Variants in CDKL2 observed in about 807,000 individuals in gnomAD.
CDKL2 encodes the protein cyclin-dependent kinase-like 2.
A neutral mutation model predicts 63.9 loss-of-function variants in CDKL2; 64 were observed. The ratio of observed to expected loss-of-function variants is 1.00; its 90% CI spans 0.82 to 1.23. The LOEUF (loss-of-function observed/expected upper bound fraction) is 1.23, where lower values mean the gene tolerates loss of function less well. Among genes scored for constraint, CDKL2 ranks in the 50% most tolerant of loss-of-function variants. The pLI is 0.00. For missense variants in CDKL2, 656 were observed against 668.0 expected (o/e 0.98, Z 0.20); for synonymous variants, 211 against 229.2 (o/e 0.92, Z 0.72).
intron 8 of CDKL2, among the ~76,000 whole-genome samples, chr4:75,597,786 T>G (rs1729007887): frequency 6.6e-6 from 1 of 152,238 alleles, no homozygotes; most frequent in East Asian, 1.9e-4. Flanking sequence ...GAGGGTTGTT[T>G]GTTCCATGTG....
intron 7 of CDKL2, among the ~76,000 whole-genome samples, chr4:75,599,548 CAA>C (rs71657365): frequency 2.9e-5 from 2 of 69,656 alleles, no homozygotes; most frequent in Non-Finnish European, 5.1e-5. Context: ...GCAACAAGAG[CAA>C]AAAAAAAAAA....
chr4:75,624,735 G>A (rs1264900632), intron 2 of CDKL2, among the ~76,000 whole-genome samples: 1 of 151,826 alleles, frequency 6.6e-6, no homozygotes, highest in East Asian at 1.9e-4. Flanking sequence ...ATGCACACCT[G>A]TAGTCCCAGC....
chr4:75,608,996 GAA>G (rs5859470), intron 3 of CDKL2, among the ~76,000 whole-genome samples: 53 of 120,846 alleles, frequency 4.4e-4, no homozygotes, highest in Middle Eastern at 3.9e-3. Flanking sequence ...TCCATCTCAA[GAA>G]AAAAAAAAAA....
chr4:75,625,126 C>G (rs1160161838), intron 2 of CDKL2, among the ~76,000 whole-genome samples: 3 of 151,952 alleles, frequency 2.0e-5, no homozygotes, highest in Middle Eastern at 3.2e-3. Flanking sequence ...TTGAACAACA[C>G]AATTAACATG....
intron 3 of CDKL2, among the ~76,000 whole-genome samples, chr4:75,612,370 T>G (rs1228708007): frequency 6.6e-6 from 1 of 152,178 alleles, no homozygotes; most frequent in Non-Finnish European, 1.5e-5. Context: ...TAGAATGTGT[T>G]ATATTAAACA....
chr4:75,617,540 C>T (rs1352818091), intron 2 of CDKL2, among the ~76,000 whole-genome samples: 1 of 152,224 alleles, frequency 6.6e-6, no homozygotes, highest in East Asian at 1.9e-4. Context: ...AACAAAAATG[C>T]CCCAAAACCC....
At chr4:75,618,966 T>A (rs1730046424) in intron 2 of CDKL2, among the ~76,000 whole-genome samples, 1 of 152,204 alleles carries the variant, frequency 6.6e-6, no homozygotes, top group African/African-American at 2.4e-5. Flanking sequence ...TCCATGTACC[T>A]GTCAGAAGCA....
chr4:75,618,966 T>C (rs1730046424), intron 2 of CDKL2, among the ~76,000 whole-genome samples: 1 of 152,204 alleles, frequency 6.6e-6, no homozygotes, highest in African/African-American at 2.4e-5. Flanking sequence ...TCCATGTACC[T>C]GTCAGAAGCA....
intron 1 of CDKL2, among the ~76,000 whole-genome samples, chr4:75,627,096 G>A (rs1236963547): frequency 6.6e-6 from 1 of 151,364 alleles, no homozygotes; most frequent in South Asian, 2.1e-4. Flanking sequence ...CCAGCTACTC[G>A]GGAGGCTAAG....
At chr4:75,612,199 C>T (rs1578343604) in intron 3 of CDKL2, among the ~76,000 whole-genome samples, 1 of 152,288 alleles carries the variant, frequency 6.6e-6, no homozygotes, top group Non-Finnish European at 1.5e-5. Flanking sequence ...CTTCGAACTC[C>T]TGACCTCAAG....
intron 5 of CDKL2, among the ~76,000 whole-genome samples, chr4:75,604,375 T>A (rs927565040): frequency 6.6e-6 from 1 of 152,248 alleles, no homozygotes; most frequent in African/African-American, 2.4e-5. Context: ...TTTCTCAACT[T>A]TAATATCTAG....
At chr4:75,592,033 T>A (rs1046407306) in intron 11 of CDKL2, 108 bp from the exon 12 acceptor site, 31 of 1,291,894 alleles carry the variant, frequency 2.4e-5, no homozygotes, top group Non-Finnish European at 3.1e-5. Context: ...ATAACAGGTA[T>A]TTACATACTT....
intron 1 of CDKL2, among the ~76,000 whole-genome samples, chr4:75,629,523 C>A (rs1441150234): frequency 2.0e-5 from 3 of 152,152 alleles, no homozygotes; most frequent in African/African-American, 7.2e-5. Context: ...TACTCTTGAA[C>A]GGAAAGGTAA....
intron 12 of CDKL2, among the ~76,000 whole-genome samples, chr4:75,590,995 T>C (rs1448045175): frequency 6.6e-6 from 1 of 152,166 alleles, no homozygotes; most frequent in Non-Finnish European, 1.5e-5. Context: ...GATATGGCTG[T>C]TGATATAAAG....
intron 2 of CDKL2, among the ~76,000 whole-genome samples, chr4:75,618,573 T>C (rs952689204): frequency 1.3e-5 from 2 of 152,082 alleles, no homozygotes; most frequent in African/African-American, 2.4e-5. Context: ...TCTTTAAAAG[T>C]TGGATTAATT....
chr4:75,605,046 G>GA (rs1215323232), intron 5 of CDKL2, among the ~76,000 whole-genome samples: 1 of 151,960 alleles, frequency 6.6e-6, no homozygotes, highest in East Asian at 1.9e-4. Flanking sequence ...CAGACTGAAG[G>GA]AAAAAATAAA....
chr4:75,588,446 G>GT (rs1431282090), intron 12 of CDKL2, among the ~76,000 whole-genome samples: 1 of 152,042 alleles, frequency 6.6e-6, no homozygotes, highest in African/African-American at 2.4e-5. Context: ...CATAGTAGCA[G>GT]TAATAGGAGT....
At chr4:75,607,658 G>C (rs1042397214) in intron 3 of CDKL2, among the ~76,000 whole-genome samples, 9 of 152,064 alleles carry the variant, frequency 5.9e-5, no homozygotes, top group Admixed American at 3.3e-4. Context: ...TTGAAGCTGA[G>C]GCAGTCAGGG....
At chr4:75,591,720 C>T (rs965849909) in intron 12 of CDKL2, 99 bp downstream of exon 12, 5 of 741,252 alleles carry the variant, frequency 6.7e-6, no homozygotes, top group Non-Finnish European at 6.4e-6. Context: ...CACCAATAAA[C>T]CTGCACAATT....
Sources: gnomAD v4.1 joint callset for allele counts (sites outside exome capture counted in the v4.1 genomes callset) on GRCh38, gnomAD v4.1.1 for gene constraint, MANE v1.5 for transcripts, NCBI Gene and HGNC (gene_info 2026-07-23, HGNC 2026-07-21) for gene names.